The following LDB3 variants were observed in gnomAD, a reference collection of about 807,000 sequenced individuals.
LDB3 encodes LIM domain binding 3.
A neutral mutation model predicts 69.0 loss-of-function variants in LDB3; 49 were observed. That is an observed-to-expected ratio of 0.71 (90% CI 0.56 to 0.90). The LOEUF (loss-of-function observed/expected upper bound fraction) is 0.90. LDB3 is among the 40% of genes least tolerant of loss of function. LDB3 has a pLI of 0.00. For missense variants in LDB3, 928 were observed against 974.1 expected (o/e 0.95, Z 0.63); for synonymous variants, 387 against 396.2 (o/e 0.98, Z 0.28).
At chr10:86,726,112 G>T (rs977892476) in intron 12 of LDB3, 25 bp from the exon 13 acceptor site, 2 of 1,579,432 alleles carry the variant, frequency 1.3e-6, no homozygotes, top group Non-Finnish European at 8.7e-7. Flanking sequence ...TGGGTGCGGG[G>T]TCTTCACTCT....
intron 2 of LDB3, among the ~76,000 whole-genome samples, chr10:86,673,902 C>A (rs1844623030): frequency 6.6e-6 from 1 of 151,714 alleles, no homozygotes; most frequent in Non-Finnish European, 1.5e-5. Flanking sequence ...CTCTCTGCTG[C>A]CAGGGAACTG....
intron 2 of LDB3, among the ~76,000 whole-genome samples, chr10:86,673,824 C>A (rs1246047738): frequency 6.6e-6 from 1 of 152,192 alleles, no homozygotes; most frequent in Admixed American, 6.5e-5. Context: ...AGGAGGAAGG[C>A]AGGGGCCTGC....
At chr10:86,708,351 G>C (rs565438510) in intron 8 of LDB3, among the ~76,000 whole-genome samples, 2 of 152,198 alleles carry the variant, frequency 1.3e-5, no homozygotes, top group East Asian at 1.9e-4. Context: ...AGCGGGAGGT[G>C]GGGGAGCCCA....
intron 5 of LDB3, chr10:86,687,153 G>A: frequency 6.2e-7 from 1 of 1,614,236 alleles, no homozygotes; most frequent in Non-Finnish European, 8.5e-7. Context: ...TGAAGGGGCT[G>A]GGCGGCAAGG....
intron 4 of LDB3, 42 bp downstream of exon 4, chr10:86,680,199 T>G: frequency 6.3e-7 from 1 of 1,577,290 alleles, no homozygotes; most frequent in African/African-American, 1.3e-5. Context: ...CAGCCCTGGT[T>G]CCTGGAGTGC....
At chr10:86,672,604 TG>T (rs1216240254) in intron 2 of LDB3, among the ~76,000 whole-genome samples, 1 of 150,960 alleles carries the variant, frequency 6.6e-6, no homozygotes, top group Non-Finnish European at 1.5e-5. Context: ...AGGGCTTCAG[TG>T]GGGCTGGCAG....
At chr10:86,692,930 C>G (rs1311031575) in intron 7 of LDB3, among the ~76,000 whole-genome samples, 1 of 152,244 alleles carries the variant, frequency 6.6e-6, no homozygotes, top group East Asian at 1.9e-4. Context: ...CCACTCATCT[C>G]AGGGCCTGTC....
In LDB3 at chr10:86,699,359, T is replaced by C. The variant is rs539521550; in HGVS notation, c.896+6788T>C. 17 of 1,613,764 alleles carry C rather than the reference T, an allele frequency of 1.1e-5. No homozygotes were observed. The South Asian group carries it at 1.8e-4, about 17-fold the overall frequency. On this transcript the variant is annotated intron_variant, in intron 7 of 13. Coordinates refer to ENST00000361373, the MANE Select transcript of LDB3 (RefSeq NM_007078.3). The surrounding 1 kb of genome is among the most constrained non-coding windows in gnomAD (Gnocchi z 4.9). Reference sequence around the variant, plus strand: ...ACCATGGCCTTTCAGCCCAAATCCTTAATGTTAAAAGCTAAAAGGCTGCCT... The same window carrying C: ...ACCATGGCCTTTCAGCCCAAATCCTCAATGTTAAAAGCTAAAAGGCTGCCT...
intron 7 of LDB3, among the ~76,000 whole-genome samples, chr10:86,693,696 G>A (rs933760224): frequency 1.2e-4 from 18 of 152,276 alleles, no homozygotes; most frequent in East Asian, 7.7e-4. Flanking sequence ...TAGAGAGTCC[G>A]CGATGAAGTG....
intron 2 of LDB3, among the ~76,000 whole-genome samples, chr10:86,673,437 G>T (rs1277160994): frequency 2.0e-5 from 3 of 152,220 alleles, no homozygotes; most frequent in African/African-American, 4.8e-5. Context: ...GAGTCTGGAG[G>T]TGCAGAAAGG....
chr10:86,668,165 T>C (rs1330085223), upstream of LDB3, among the ~76,000 whole-genome samples: 1 of 152,186 alleles, frequency 6.6e-6, no homozygotes, highest in African/African-American at 2.4e-5. Flanking sequence ...CCCAGAATCC[T>C]GGCCAGGGAC....
chr10:86,729,658 G>C (rs886618177), intron 13 of LDB3, among the ~76,000 whole-genome samples: 1 of 152,108 alleles, frequency 6.6e-6, no homozygotes, highest in Non-Finnish European at 1.5e-5. Flanking sequence ...TGGGCAGAAG[G>C]CCTCCTCCAC....
intron 8 of LDB3, 86 bp from the exon 9 acceptor site, chr10:86,709,819 T>C: frequency 6.7e-7 from 1 of 1,488,986 alleles, no homozygotes; most frequent in South Asian, 1.1e-5. Context: ...CAGAGGCTTC[T>C]GAAGACCTGG....
intron 12 of LDB3, among the ~76,000 whole-genome samples, chr10:86,723,266 TCTAA>T (rs1847146772): frequency 2.3e-5 from 1 of 44,312 alleles, no homozygotes; most frequent in African/African-American, 1.1e-4. Flanking sequence ...CAAGACTCAA[TCTAA>T]AAAAAAAAAA....
In LDB3 at chr10:86,672,822, G is replaced by T. The variant is rs544917784; in HGVS notation, c.93+4038G>T. Among the ~76,000 whole-genome samples, 11 of 152,364 alleles carry T rather than the reference G, an allele frequency of 7.2e-5. No homozygotes were observed. The East Asian group carries it at 2.1e-3, about 29-fold the overall frequency. ...TGAATTGGACCCTTGGAGGCCCCTG[G>T]GCCAGGACACCGTGCAAGGGCAGCT... On this transcript the variant is annotated intron_variant, in intron 2 of 13. Transcript: ENST00000361373.
At chr10:86,682,971 G>A (rs1167461951) in intron 5 of LDB3, among the ~76,000 whole-genome samples, 1 of 150,870 alleles carries the variant, frequency 6.6e-6, no homozygotes, top group African/African-American at 2.5e-5. Flanking sequence ...AATCCTCAGT[G>A]AAGCTGATTT....
intron 5 of LDB3, among the ~76,000 whole-genome samples, chr10:86,684,707 G>A (rs1845364029): frequency 6.6e-6 from 1 of 152,228 alleles, no homozygotes; most frequent in South Asian, 2.1e-4. Context: ...GGCCAGGCTG[G>A]CCGGGGCCCA....
rs1844889897 is a variant in LDB3 at position 86,677,938 on chromosome 10, C to A, written c.94-1429C>A. ...GGATGCTGCTGTGTCTTAGCTGCTG[C>A]ATCTCCCTTTTCTCCTGGAGTCTGA... is the stretch of plus-strand genomic sequence containing the variant. On this transcript the variant is annotated intron_variant, in intron 2 of 13. Coordinates refer to ENST00000361373, the MANE Select transcript of LDB3 (RefSeq NM_007078.3). Among the ~76,000 whole-genome samples, 3 of 152,242 alleles carry A rather than the reference C, an allele frequency of 2.0e-5. No homozygotes were observed. In the South Asian group the frequency reaches 6.2e-4, roughly 32 times the overall value.
intron 5 of LDB3, among the ~76,000 whole-genome samples, chr10:86,682,284 C>G (rs1845199110): frequency 6.6e-6 from 1 of 152,176 alleles, no homozygotes; most frequent in Non-Finnish European, 1.5e-5. Context: ...GTCTGGGAAG[C>G]TGCCTGGAGG....
Sources: gnomAD v4.1 joint callset for allele counts (sites outside exome capture counted in the v4.1 genomes callset) on GRCh38, gnomAD v4.1.1 for gene constraint, Gnocchi (gnomAD v3.1) non-coding constraint, MANE v1.5 for transcripts, NCBI Gene and HGNC (gene_info 2026-07-23, HGNC 2026-07-21) for gene names.